The following ASXL3 variants were observed in gnomAD, a reference collection of about 807,000 sequenced individuals.
ASXL3 encodes ASXL transcriptional regulator 3, also known as putative Polycomb group protein ASXL3.
In ASXL3, 34 loss-of-function variants were observed where a neutral mutation model predicts 170.6. That is an observed-to-expected ratio of 0.20 (90% CI 0.15 to 0.27). The LOEUF (loss-of-function observed/expected upper bound fraction) is 0.27, where lower values mean the gene tolerates loss of function less well. ASXL3 is among the 10% of genes least tolerant of loss of function. ASXL3 has a pLI of 1.00. For synonymous variants in ASXL3, 1,002 were observed against 989.1 expected, an observed-to-expected ratio of 1.01 and a Z score of -0.24; for missense variants, 2,592 against 2,695.3, an observed-to-expected ratio of 0.96 and a Z score of 0.85.
chr18:33,597,434 G>A (rs2065138220), intron 1 of ASXL3, among the ~76,000 whole-genome samples: 1 of 151,928 alleles, frequency 6.6e-6, no homozygotes, highest in Non-Finnish European at 1.5e-5. Flanking sequence ...TGGTATGTAT[G>A]TACCTTCATT....
At chr18:33,685,296 C>A (rs892826176) in intron 8 of ASXL3, among the ~76,000 whole-genome samples, 6 of 152,208 alleles carry the variant, frequency 3.9e-5, no homozygotes, top group Non-Finnish European at 8.8e-5. Context: ...CAGCCGTCAT[C>A]ATCCTTATCC....
At chr18:33,590,279 G>A (rs1363451776) in intron 1 of ASXL3, among the ~76,000 whole-genome samples, 2 of 151,732 alleles carry the variant, frequency 1.3e-5, no homozygotes, top group African/African-American at 4.9e-5. Flanking sequence ...CCCCTCCCCA[G>A]GCCATATCTC....
At chr18:33,649,376 C>G (rs762903844) in intron 4 of ASXL3, among the ~76,000 whole-genome samples, 7 of 152,018 alleles carry the variant, frequency 4.6e-5, no homozygotes, top group Admixed American at 1.3e-4. Context: ...AAGTTTGCTT[C>G]TGTGTGTGTT....
chr18:33,683,007 C>T (rs1599488937), intron 7 of ASXL3, among the ~76,000 whole-genome samples: 1 of 152,274 alleles, frequency 6.6e-6, no homozygotes, highest in East Asian at 1.9e-4. Context: ...ATTAACAGTA[C>T]TGTTGTTTCT....
At chr18:33,673,011 A>G (rs1462850545) in intron 7 of ASXL3, among the ~76,000 whole-genome samples, 1 of 152,176 alleles carries the variant, frequency 6.6e-6, no homozygotes, top group African/African-American at 2.4e-5. Flanking sequence ...CTATCCCAAA[A>G]TGTATGTTTG....
chr18:33,619,423 A>G lies in ASXL3; in HGVS notation c.137+11747A>G, dbSNP rs905459127. On this transcript the variant is annotated intron_variant, in intron 2 of 11. Coordinates refer to ENST00000269197, the MANE Select transcript of ASXL3 (RefSeq NM_030632.3). ...TTGAAACTCTTTCAGTTTATACCCT[A>G]GTTGTAAATAGTTTTGAAGACTGAA... Among the ~76,000 whole-genome samples the G allele has an allele frequency of 1.5e-4, 22 of 147,630 alleles. No individual in the cohort carries two copies. The South Asian group carries it at 2.1e-3, about 14-fold the overall frequency.
Position 33,645,832 on chromosome 18 carries a change from G to C in ASXL3, c.247-413G>C, listed in dbSNP as rs1404502240. On this transcript the variant is annotated intron_variant, in intron 3 of 11. Coordinates refer to ENST00000269197, the MANE Select transcript of ASXL3 (RefSeq NM_030632.3). ...ACTAAGCATCAGGCTGTGGTCTACT[G>C]TGTGTGTTTCAGAAAATAACCCAGG... Among the ~76,000 whole-genome samples, 5 of 151,888 alleles carry C rather than the reference G, an allele frequency of 3.3e-5. No homozygotes were observed. In the East Asian group the frequency reaches 7.8e-4, roughly 24 times the overall value.
At chr18:33,661,416 A>G (rs752146878) in intron 4 of ASXL3, among the ~76,000 whole-genome samples, 200 bp from the exon 5 acceptor site, 5 of 152,144 alleles carry the variant, frequency 3.3e-5, no homozygotes, top group Non-Finnish European at 5.9e-5. Flanking sequence ...GGAAAGCTTA[A>G]AAAGGTTAAA....
chr18:33,743,477 C>T lies in ASXL3; in HGVS notation c.3629C>T (p.Ser1210Leu). ...AGTTCTGATGAAAACATACCTGTGTCACATTTATCTGAGAAAATTGTTTCA... is the reference window on the plus strand; with the variant it reads ...AGTTCTGATGAAAACATACCTGTGTTACATTTATCTGAGAAAATTGTTTCA... ...VHSSDENIPV[S>L]HLSEKIVSST... is the part of the protein sequence containing the mutation. The change falls in exon 12 of 12, where the codon TCA (serine) becomes TTA (leucine). Residue 1210 changes from serine to leucine, a missense_variant. Transcript: ENST00000269197. 1 of 1,613,584 alleles carries T rather than the reference C, an allele frequency of 6.2e-7. No individual in the cohort carries two copies. The highest frequency in any genetic ancestry group is 8.5e-7 in the Non-Finnish European group (1 of 1,179,850).
intron 7 of ASXL3, among the ~76,000 whole-genome samples, chr18:33,673,319 A>G (rs1339548711): frequency 6.6e-6 from 1 of 152,078 alleles, no homozygotes; most frequent in Non-Finnish European, 1.5e-5. Flanking sequence ...TCAGGAGCGA[A>G]AGTTACTAAG....
At chr18:33,616,007 C>G (rs750696939) in intron 2 of ASXL3, among the ~76,000 whole-genome samples, 3 of 152,030 alleles carry the variant, frequency 2.0e-5, no homozygotes, top group Non-Finnish European at 4.4e-5. Flanking sequence ...TTAAATAAGT[C>G]ATAGTCTGCA....
intron 6 of ASXL3, 86 bp from the exon 7 acceptor site, chr18:33,671,661 A>G (rs2066343895): frequency 2.5e-6 from 3 of 1,215,958 alleles, no homozygotes; most frequent in African/African-American, 1.5e-5. Flanking sequence ...AGGAGATTAT[A>G]TCTACAGTTC....
In ASXL3 at chr18:33,734,333, T is replaced by C. The variant is rs1335912894; in HGVS notation, c.1000T>C (p.Leu334=). ...AEGEFTPEMQ[L]RIRQEIEKEK... ...AGGAGAGTTTACCCCAGAAATGCAG[T>C]TGCGGATAAGGCAAGAAATTGAGAA... Residue 334 remains leucine (L), a synonymous_variant, in exon 10 of 12, where the codon TTG becomes CTG. Transcript: ENST00000269197. 6.2e-7 allele frequency: 1 copy of C among 1,605,568 alleles called. No individual in the cohort carries two copies. The highest frequency in any genetic ancestry group is 1.1e-5 in the South Asian group (1 of 89,014).
At chr18:33,627,900 T>C (rs1487339672) in intron 2 of ASXL3, among the ~76,000 whole-genome samples, 1 of 152,158 alleles carries the variant, frequency 6.6e-6, no homozygotes, top group African/African-American at 2.4e-5. Flanking sequence ...TTTAGACTAA[T>C]GAAAAGCTTG....
chr18:33,711,460 A>G (rs915845484), intron 8 of ASXL3, among the ~76,000 whole-genome samples: 1 of 152,078 alleles, frequency 6.6e-6, no homozygotes, highest in Non-Finnish European at 1.5e-5. Flanking sequence ...ATTTCTTTTT[A>G]TGAGGTAAGA....
At position 33,688,349 on chromosome 18, in the gene ASXL3, C is replaced by T. The variant is rs145404115; in HGVS notation, c.879+4781C>T. Among the ~76,000 whole-genome samples the T allele has an allele frequency of 5.6e-4, 85 of 152,268 alleles. 2 individuals carry two copies. In the East Asian group the frequency reaches 0.014, roughly 26 times the overall value. On this transcript the variant is annotated intron_variant, in intron 8 of 11. Coordinates refer to ENST00000269197, the MANE Select transcript of ASXL3 (RefSeq NM_030632.3). ...TAGATGCTTCGTAGGCAATTAACAG[C>T]GCCTGTTGAAGACAAGTCGAAATTG...
intron 8 of ASXL3, among the ~76,000 whole-genome samples, chr18:33,719,460 G>A (rs1350221706): frequency 6.6e-6 from 1 of 151,988 alleles, no homozygotes; most frequent in African/African-American, 2.4e-5. Context: ...CCAGCATCTA[G>A]CATATAAACT....
chr18:33,673,423 G>A (rs1372751681), intron 7 of ASXL3, among the ~76,000 whole-genome samples: 1 of 150,054 alleles, frequency 6.7e-6, no homozygotes, highest in Non-Finnish European at 1.5e-5. Flanking sequence ...TGCCTGGGCT[G>A]GAGTACAGTG....
At chr18:33,702,947 C>T (rs1262770701) in intron 8 of ASXL3, among the ~76,000 whole-genome samples, 2 of 152,080 alleles carry the variant, frequency 1.3e-5, no homozygotes, top group East Asian at 1.9e-4. Context: ...TGCCTGATTG[C>T]TTTATTGTTT....
Sources: gnomAD v4.1 joint callset for allele counts (sites outside exome capture counted in the v4.1 genomes callset) on GRCh38, gnomAD v4.1.1 for gene constraint, MANE v1.5 for transcripts, NCBI Gene and HGNC (gene_info 2026-07-23, HGNC 2026-07-21) for gene names.